Variants in TRAF7 observed in about 807,000 individuals in gnomAD.
TRAF7 encodes the protein TNF receptor associated factor 7.
Under a neutral mutation model 89.3 loss-of-function variants are expected in TRAF7, and 45 were observed. The observed-to-expected ratio is 0.50, with a 90% CI of 0.40 to 0.65. The LOEUF (loss-of-function observed/expected upper bound fraction) is 0.65, where lower values mean the gene tolerates loss of function less well. Among genes scored for constraint, TRAF7 ranks in the 30% least tolerant of loss-of-function variants. The pLI is 0.00. For synonymous variants in TRAF7, 406 were observed against 369.2 expected (o/e 1.10, Z -1.14); for missense variants, 677 against 918.1 (o/e 0.74, Z 3.39).
rs2093106502 is a variant in TRAF7 at position 2,170,870 on chromosome 16, C to A, written c.348+140C>A. ...GGCCTGACGGGAACTGCAGTGCTTG[C>A]TGGTCCGTGGTGGGGACTCGAGGGA... On this transcript the variant is annotated intron_variant, in intron 5 of 20. Transcript: ENST00000326181. The A allele has an allele frequency of 3.7e-6, 3 of 821,206 alleles. No individual in the cohort carries two copies. The African/African-American group carries it at 5.1e-5, about 14-fold the overall frequency. The allele number at this position is 821,206 out of a possible 1,614,324, so 50.9% of individuals were successfully genotyped here.
chr16:2,163,902 G>T lies in TRAF7; in HGVS notation c.-19G>T, dbSNP rs780652125. On this transcript the variant is annotated 5_prime_UTR_variant, in exon 2 of 21. Coordinates refer to ENST00000326181, the MANE Select transcript of TRAF7 (RefSeq NM_032271.3). This position sits in a 1 kb window ranked among gnomAD's most constrained non-coding sequence, Gnocchi z 4.3. ...CCACAGGAGGTGCTTCCCAAGGACC[G>T]TAGATGCCTCTCTAGAGCATGAGCT... 22 of 1,609,712 alleles carry T rather than the reference G, an allele frequency of 1.4e-5. No individual in the cohort carries two copies. The highest frequency in any genetic ancestry group is 1.8e-5 in the Non-Finnish European group (21 of 1,178,046).
chr16:2,171,167 G>A (rs528318960), intron 5 of TRAF7, 97 bp from the exon 6 acceptor site: 127 of 997,244 alleles, frequency 1.3e-4, no homozygotes, highest in Middle Eastern at 1.3e-3. Context: ...GTCCTCAGAG[G>A]ACAGCCAGGC....
chr16:2,174,069 G>C (rs1258953412), intron 13 of TRAF7, 21 bp downstream of exon 13: 1 of 1,611,682 alleles, frequency 6.2e-7, no homozygotes, highest in East Asian at 2.2e-5. Flanking sequence ...TCCTACCTCA[G>C]TCTCTGCAGC....
At chr16:2,157,412 C>G (rs1387307042) in intron 1 of TRAF7, among the ~76,000 whole-genome samples, 1 of 152,148 alleles carries the variant, frequency 6.6e-6, no homozygotes, top group Non-Finnish European at 1.5e-5. Context: ...CCAAGTGTTA[C>G]GATATTTCTG....
intron 1 of TRAF7, among the ~76,000 whole-genome samples, chr16:2,156,643 G>C (rs1228360236): frequency 1.4e-5 from 2 of 142,994 alleles, no homozygotes; most frequent in African/African-American, 5.2e-5. Flanking sequence ...GGCCTGGGGT[G>C]AGAAGGGGCC....
Position 2,165,949 on chromosome 16 carries a change from G to C in TRAF7, c.139+13G>C. 6.2e-7 allele frequency: 1 copy of C among 1,614,062 alleles called. No homozygotes were observed. On this transcript the variant is annotated intron_variant, in intron 3 of 20. Coordinates refer to ENST00000326181, the MANE Select transcript of TRAF7 (RefSeq NM_032271.3). Reference sequence around the variant, plus strand: ...ACCATCACAAAAGGTGAGCCCTTAAGCCAAGGCCAGCCCAGGCTGGGAATA... The same window carrying C: ...ACCATCACAAAAGGTGAGCCCTTAACCCAAGGCCAGCCCAGGCTGGGAATA...
Position 2,168,108 on chromosome 16 carries a change from C to A in TRAF7, c.171C>A (p.Cys57Ter). The A allele has an allele frequency of 6.2e-7, 1 of 1,612,334 alleles. No individual in the cohort carries two copies. Among genetic ancestry groups the A allele is most frequent in the Non-Finnish European group, 8.5e-7 (1 of 1,179,908 alleles). ...GGACCAGCACCTACAAGCAGCACTG[C>A]AGGACACCCTCCTCCTCCAGCACCC... ...ADGTSTYKQHCRTPSSSSTLA... is the reference protein window; with the variant it reads ...ADGTSTYKQH Residue 57 changes from cysteine (C) to a stop codon, truncating the protein, a stop_gained, in exon 4 of 21, where the codon TGC (cysteine) becomes TGA (stop). Transcript: ENST00000326181. LOFTEE classifies it high-confidence loss of function. This position sits in a 1 kb window ranked among gnomAD's most constrained non-coding sequence, Gnocchi z 4.1.
chr16:2,159,841 A>T lies in TRAF7; in HGVS notation c.-39+3983A>T, dbSNP rs567399425. Among the ~76,000 whole-genome samples the T allele has an allele frequency of 9.2e-5, 14 of 152,312 alleles. No individual in the cohort carries two copies. Among genetic ancestry groups the T allele is most frequent in the African/African-American group, 3.4e-4 (14 of 41,584 alleles). On this transcript the variant is annotated intron_variant, in intron 1 of 20. Coordinates refer to ENST00000326181, the MANE Select transcript of TRAF7 (RefSeq NM_032271.3). This position sits in a 1 kb window ranked among gnomAD's most constrained non-coding sequence, Gnocchi z 6.5. ...CTGCTTTAAGGCCGGGCCTGGCCCG[A>T]GCAGGGAGCTGCATCTGGAAGCCCC... is the stretch of plus-strand genomic sequence containing the variant.
chr16:2,167,324 C>T (rs1411991499), intron 3 of TRAF7, among the ~76,000 whole-genome samples: 2 of 139,672 alleles, frequency 1.4e-5, no homozygotes, highest in African/African-American at 4.9e-5. Context: ...GGCAGCCTCT[C>T]GAGGCCTCAA....
rs1477308189 is a variant in TRAF7, at chr16:2,176,643, TGGGGTGGTCTC to T, written c.*75_*85del. On this transcript the variant is annotated 3_prime_UTR_variant, in exon 21 of 21. Transcript: ENST00000326181. ...ACCTTTCTGAGCCAGGCTGGCCACA[TGGGGTGGTCTC>T]GGGGTTTCTGCCTGCCCCGTGGGCA... 1.2e-5 allele frequency: 19 copies of T among 1,611,270 alleles called. No homozygotes were observed.
chr16:2,160,759 G>A (rs1376156274), intron 1 of TRAF7, among the ~76,000 whole-genome samples: 2 of 152,098 alleles, frequency 1.3e-5, no homozygotes, highest in Non-Finnish European at 1.5e-5. Flanking sequence ...CCAGAGAATT[G>A]AAGGGGAATT....
At position 2,176,582 on chromosome 16, in the gene TRAF7, C is replaced by G; in HGVS notation, c.*8C>G. ...CAGGTTTGGACTTGCTAACAGGATC[C>G]AGGCCAGGCTGTGGTTTCCCCTGAA... On this transcript the variant is annotated 3_prime_UTR_variant, in exon 21 of 21. Coordinates refer to ENST00000326181, the MANE Select transcript of TRAF7 (RefSeq NM_032271.3). 6.2e-7 allele frequency: 1 copy of G among 1,613,458 alleles called. No homozygotes were observed. Among genetic ancestry groups the G allele is most frequent in the Non-Finnish European group, 8.5e-7 (1 of 1,179,996 alleles).
Position 2,176,575 on chromosome 16 carries a change from C to G in TRAF7, c.*1C>G. On this transcript the variant is annotated 3_prime_UTR_variant, in exon 21 of 21. Transcript: ENST00000326181. ...TTCTCTGCAGGTTTGGACTTGCTAA[C>G]AGGATCCAGGCCAGGCTGTGGTTTC... 1 of 1,613,450 alleles carries G rather than the reference C, an allele frequency of 6.2e-7. No homozygotes were observed.
chr16:2,171,264 G>T lies in TRAF7; in HGVS notation c.349G>T (p.Glu117Ter). 1 of 1,546,286 alleles carries T rather than the reference G, an allele frequency of 6.5e-7. No individual in the cohort carries two copies. The change falls in exon 6 of 21, where the codon GAG becomes TAG. Residue 117 changes from glutamate (E) to a stop codon, truncating the protein, a stop_gained and splice_region_variant. Transcript: ENST00000326181. LOFTEE classifies it high-confidence loss of function. ...FSLPEEEEEPEPLVFAEQPSV... is the reference protein window; with the variant it reads ...FSLPEEEEEP ...GCCTGCCTTTCCCGCTTGGTTCCAGGAGCCACTGGTGTTTGCGGAGCAGCC... is the reference window on the plus strand; with the variant it reads ...GCCTGCCTTTCCCGCTTGGTTCCAGTAGCCACTGGTGTTTGCGGAGCAGCC...
chr16:2,165,859 C>A lies in TRAF7; in HGVS notation c.82-20C>A. ...CTTGTGTCCCGGAATGAGGCCAGGT[C>A]TCCTCCGTCCTCCCTCTAGACCAGA... is the stretch of plus-strand genomic sequence containing the variant. On this transcript the variant is annotated intron_variant, in intron 2 of 20. Transcript: ENST00000326181. 6.2e-7 allele frequency: 1 copy of A among 1,613,980 alleles called. No homozygotes were observed. Among genetic ancestry groups the A allele is most frequent in the Non-Finnish European group, 8.5e-7 (1 of 1,179,894 alleles).
chr16:2,165,967 T>G, intron 3 of TRAF7, 31 bp downstream of exon 3: 1 of 1,613,764 alleles, frequency 6.2e-7, no homozygotes, highest in Non-Finnish European at 8.5e-7. Flanking sequence ...CAGCCCAGGC[T>G]GGGAATAACC....
chr16:2,166,301 G>A (rs899360320), intron 3 of TRAF7, among the ~76,000 whole-genome samples: 9 of 152,174 alleles, frequency 5.9e-5, no homozygotes, highest in African/African-American at 1.9e-4. Flanking sequence ...CCTCCGAAAG[G>A]TCCCGTGTGC....
rs923287687 is a variant in TRAF7 at position 2,159,650 on chromosome 16, A to C, written c.-39+3792A>C. On this transcript the variant is annotated intron_variant, in intron 1 of 20. Transcript: ENST00000326181. The surrounding 1 kb of genome is among the most constrained non-coding windows in gnomAD (Gnocchi z 6.5). ...TCGGAGCTCTGGCCGCAGTCCAGCCAGCCGGCCACACACAGCCCTGTGGCA... is the reference window on the plus strand; with the variant it reads ...TCGGAGCTCTGGCCGCAGTCCAGCCCGCCGGCCACACACAGCCCTGTGGCA... Among the ~76,000 whole-genome samples, 8 of 152,168 alleles carry C rather than the reference A, an allele frequency of 5.3e-5. No homozygotes were observed. Among genetic ancestry groups the C allele is most frequent in the African/African-American group, 1.9e-4 (8 of 41,432 alleles).
In TRAF7 at chr16:2,171,310, A is replaced by G; in HGVS notation, c.395A>G (p.Gln132Arg). 1 of 1,556,396 alleles carries G rather than the reference A, an allele frequency of 6.4e-7. No homozygotes were observed. Among genetic ancestry groups the G allele is most frequent in the Non-Finnish European group, 8.7e-7 (1 of 1,150,438 alleles). The change falls in exon 6 of 21, where the codon CAG becomes CGG. Residue 132 changes from glutamine to arginine, a missense_variant. Coordinates refer to ENST00000326181, the MANE Select transcript of TRAF7 (RefSeq NM_032271.3). ...CAGCCCTCGGTGAAGCTGTGCTGTC[A>G]GCTCTGCTGCAGCGTCTTCAAAGAC... ...AEQPSVKLCCQLCCSVFKDPV... is the reference protein window; with the variant it reads ...AEQPSVKLCCRLCCSVFKDPV...
Sources: allele counts gnomAD v4.1 joint callset (sites outside exome capture counted in the v4.1 genomes callset), GRCh38; gene constraint gnomAD v4.1.1; non-coding constraint Gnocchi (gnomAD v3.1); transcripts MANE v1.5; gene names NCBI Gene and HGNC (gene_info 2026-07-23, HGNC 2026-07-21).